LGR5: variants seen among roughly 807,000 people sequenced by gnomAD.
LGR5 encodes the protein leucine-rich repeat-containing G protein-coupled receptor 5.
A neutral mutation model predicts 76.7 loss-of-function variants in LGR5; 54 were observed. The ratio of observed to expected loss-of-function variants is 0.70; its 90% CI spans 0.57 to 0.88. LGR5 has a LOEUF of 0.88. Among genes scored for constraint, LGR5 ranks in the 40% least tolerant of loss-of-function variants. The pLI is 0.00. For synonymous variants in LGR5, 406 were observed against 421.9 expected (o/e 0.96, Z 0.46); for missense variants, 1,078 against 1,073.3 (o/e 1.00, Z -0.06).
intron 4 of LGR5, among the ~76,000 whole-genome samples, chr12:71,544,313 CTTCTT>C (rs1412066417): frequency 9.9e-5 from 3 of 30,344 alleles, no homozygotes; most frequent in Admixed American, 3.3e-4. Context: ...TTTTCTTCTT[CTTCTT>C]TTTTTTTTTT....
intron 2 of LGR5, among the ~76,000 whole-genome samples, chr12:71,507,180 T>G (rs759149989): frequency 6.6e-5 from 10 of 152,150 alleles, no homozygotes; most frequent in Non-Finnish European, 1.3e-4. Flanking sequence ...AATAAGGAAC[T>G]TACCCAACAT....
At chr12:71,509,273 T>C (rs989836586) in intron 2 of LGR5, among the ~76,000 whole-genome samples, 1 of 152,140 alleles carries the variant, frequency 6.6e-6, no homozygotes, top group Non-Finnish European at 1.5e-5. Flanking sequence ...TGAAAGAACG[T>C]TGGTAAACTA....
intron 1 of LGR5, among the ~76,000 whole-genome samples, chr12:71,453,497 C>T (rs1330012025): frequency 1.5e-4 from 22 of 148,562 alleles, no homozygotes; most frequent in Admixed American, 1.3e-3. Context: ...CATCCACCCT[C>T]ATGACTTTTT....
chr12:71,539,448 G>A (rs1383880487), intron 4 of LGR5, among the ~76,000 whole-genome samples: 1 of 152,114 alleles, frequency 6.6e-6, no homozygotes, highest in African/African-American at 2.4e-5. Context: ...TGTTCATAAT[G>A]GAAACACATA....
At chr12:71,490,439 T>C (rs149463343) in intron 1 of LGR5, among the ~76,000 whole-genome samples, 6 of 152,314 alleles carry the variant, frequency 3.9e-5, no homozygotes, top group Admixed American at 2.6e-4. Flanking sequence ...TTCTCCATCA[T>C]TAGGCAGAGT....
chr12:71,566,447 T>C lies in LGR5; in HGVS notation c.901T>C (p.Phe301Leu). Residue 301 changes from phenylalanine (F) to leucine (L), a missense_variant, in exon 9 of 18, where the codon TTT (phenylalanine) becomes CTT (leucine). Phe to Leu is a conservative substitution (Grantham distance 22, BLOSUM62 0). Coordinates refer to ENST00000266674, the MANE Select transcript of LGR5 (RefSeq NM_003667.4). ...CATCCAGTTTGTTGGGAGATCTGCTTTTCAACATTTACCTGAACTAAGAAC... is the reference window on the plus strand; with the variant it reads ...CATCCAGTTTGTTGGGAGATCTGCTCTTCAACATTTACCTGAACTAAGAAC... ...NPIQFVGRSA[F>L]QHLPELRTLT... is the part of the protein sequence containing the mutation. 1 of 1,605,570 alleles carries C rather than the reference T, an allele frequency of 6.2e-7. No homozygotes were observed. Among genetic ancestry groups the C allele is most frequent in the Non-Finnish European group, 8.5e-7 (1 of 1,172,520 alleles).
At chr12:71,556,238 G>A (rs1210231449) in intron 5 of LGR5, among the ~76,000 whole-genome samples, 1 of 151,876 alleles carries the variant, frequency 6.6e-6, no homozygotes, top group African/African-American at 2.4e-5. Flanking sequence ...TAATACCTGG[G>A]TGATGAAATA....
chr12:71,585,882 G>C lies in LGR5; in HGVS notation c.*1148G>C, dbSNP rs1253059294. The C allele has an allele frequency of 6.6e-6, 1 of 152,146 alleles. No homozygotes were observed. The highest frequency in any genetic ancestry group is 1.5e-5 in the Non-Finnish European group (1 of 68,018). 9.4% of individuals were successfully genotyped at this position (152,146 alleles called of 1,614,324 possible). On this transcript the variant is annotated 3_prime_UTR_variant, in exon 18 of 18. Coordinates refer to ENST00000266674, the MANE Select transcript of LGR5 (RefSeq NM_003667.4). The stretch of plus-strand genomic sequence containing the variant: ...ATTAATACTGTGTTAGGTATTTTAA[G>C]AAGCAAGTTATTAAATAAGAAAAGT...
Position 71,553,158 on chromosome 12 carries a change from A to G in LGR5, c.514A>G (p.Asn172Asp). 1.9e-6 allele frequency: 3 copies of G among 1,614,040 alleles called. No homozygotes were observed. Among genetic ancestry groups the G allele is most frequent in the Non-Finnish European group, 2.5e-6 (3 of 1,180,018 alleles). ...CCTGAGGCACCTGTGGCTGGATGAC[A>G]ATGCGTTAACAGAAATCCCCGTCCA... The part of the protein sequence containing the change: ...HSLRHLWLDD[N>D]ALTEIPVQAF... The change falls in exon 5 of 18, where the codon AAT becomes GAT. Residue 172 changes from asparagine to aspartate, a missense_variant. Coordinates refer to ENST00000266674, the MANE Select transcript of LGR5 (RefSeq NM_003667.4).
chr12:71,579,918 A>T (rs1446677265), intron 15 of LGR5, among the ~76,000 whole-genome samples: 1 of 152,204 alleles, frequency 6.6e-6, no homozygotes, highest in African/African-American at 2.4e-5. Flanking sequence ...CAAAATGTGC[A>T]TAGAAATATA....
At chr12:71,553,952 G>A (rs997923060) in intron 5 of LGR5, among the ~76,000 whole-genome samples, 17 of 152,168 alleles carry the variant, frequency 1.1e-4, no homozygotes, top group Non-Finnish European at 1.5e-4. Context: ...TTAGCTGGGC[G>A]TAGTGGCACA....
At chr12:71,493,857 C>T (rs1003069098) in intron 1 of LGR5, among the ~76,000 whole-genome samples, 8 of 149,562 alleles carry the variant, frequency 5.3e-5, no homozygotes, top group African/African-American at 2.0e-4. Flanking sequence ...AAGCGGTGAC[C>T]TTCTAGGCTC....
intron 4 of LGR5, among the ~76,000 whole-genome samples, chr12:71,545,653 T>A (rs1300347110): frequency 2.0e-5 from 3 of 152,216 alleles, no homozygotes; most frequent in East Asian, 1.9e-4. Flanking sequence ...ATCTCAGATA[T>A]GGAATTAACC....
chr12:71,470,184 C>T (rs1873037563), intron 1 of LGR5, among the ~76,000 whole-genome samples: 1 of 152,184 alleles, frequency 6.6e-6, no homozygotes, highest in Non-Finnish European at 1.5e-5. Context: ...AAGTTGCTCC[C>T]TTTTCAATTT....
At chr12:71,524,339 T>C in intron 2 of LGR5, 67 bp from the exon 3 acceptor site, 1 of 1,144,622 alleles carries the variant, frequency 8.7e-7, no homozygotes, top group Non-Finnish European at 1.3e-6. Flanking sequence ...TGCATTTTTT[T>C]AACAACTAAA....
chr12:71,547,662 T>C (rs189815340), intron 4 of LGR5, among the ~76,000 whole-genome samples: 5 of 152,362 alleles, frequency 3.3e-5, no homozygotes, highest in African/African-American at 1.2e-4. Flanking sequence ...CCTCAAATCT[T>C]GGAATTAAAT....
In LGR5 at chr12:71,477,202, A is replaced by G. The variant is rs180988077; in HGVS notation, c.213-27412A>G. 1.2e-4 allele frequency among the ~76,000 whole-genome samples: 18 copies of G among 152,238 alleles called. No individual in the cohort carries two copies. In the East Asian group the frequency reaches 2.5e-3, roughly 21 times the overall value. On this transcript the variant is annotated intron_variant, in intron 1 of 17. Coordinates refer to ENST00000266674, the MANE Select transcript of LGR5 (RefSeq NM_003667.4). ...AACACATCCCTTAGCTCACACAGCCAGGCAACTGTCTCCTCACCACCCGTT... is the reference window on the plus strand; with the variant it reads ...AACACATCCCTTAGCTCACACAGCCGGGCAACTGTCTCCTCACCACCCGTT...
chr12:71,458,365 T>C (rs1453466186), intron 1 of LGR5, among the ~76,000 whole-genome samples: 1 of 152,148 alleles, frequency 6.6e-6, no homozygotes, highest in Admixed American at 6.6e-5. Context: ...TTCAAGGTTA[T>C]AGAGAAATTA....
chr12:71,483,121 A>G (rs7971333), intron 1 of LGR5, among the ~76,000 whole-genome samples: 13,626 of 152,116 alleles, frequency 0.09, 654 homozygotes, highest in Non-Finnish European at 0.11. Flanking sequence ...AAATATTAGC[A>G]CCTTTATCCT....
Sources: allele counts gnomAD v4.1 joint callset (sites outside exome capture counted in the v4.1 genomes callset), GRCh38; gene constraint gnomAD v4.1.1; transcripts MANE v1.5; gene names NCBI Gene and HGNC (gene_info 2026-07-23, HGNC 2026-07-21).